The following NECTIN3 variants were observed in gnomAD, a reference collection of about 807,000 sequenced individuals.
The protein encoded by NECTIN3 is nectin-3.
Under a neutral mutation model 49.4 loss-of-function variants are expected in NECTIN3, and 8 were observed. That is an observed-to-expected ratio of 0.16 (90% CI 0.10 to 0.29). The LOEUF (loss-of-function observed/expected upper bound fraction) is 0.29, where lower values mean the gene tolerates loss of function less well. Among genes scored for constraint, NECTIN3 ranks in the 10% least tolerant of loss-of-function variants. The pLI, the probability that NECTIN3 is intolerant of heterozygous loss-of-function variation, is 1.00. For synonymous variants in NECTIN3, 277 were observed against 241.1 expected (o/e 1.15, Z -1.38); for missense variants, 581 against 654.6 (o/e 0.89, Z 1.23).
At chr3:111,191,105 T>C (rs2035805554), upstream of NECTIN3, among the ~76,000 whole-genome samples, 1 of 152,142 alleles carries the variant, frequency 6.6e-6, no homozygotes, top group Admixed American at 6.5e-5. Flanking sequence ...ATTCAGGCAT[T>C]ATTTTATTAT....
chr3:111,110,322 A>G (rs1351215541), intron 1 of NECTIN3, among the ~76,000 whole-genome samples: 1 of 151,932 alleles, frequency 6.6e-6, no homozygotes, highest in Non-Finnish European at 1.5e-5. Context: ...AGAAGAATCT[A>G]CTTTATTAAG....
chr3:111,131,950 A>G (rs1048485531), intron 5 of NECTIN3, among the ~76,000 whole-genome samples: 2 of 151,856 alleles, frequency 1.3e-5, no homozygotes, highest in African/African-American at 2.4e-5. Flanking sequence ...TTTGCAAATC[A>G]TTGTAAGGAT....
At chr3:111,159,432 G>A (rs886181269) in intron 7 of NECTIN3, among the ~76,000 whole-genome samples, 23 of 152,208 alleles carry the variant, frequency 1.5e-4, no homozygotes, top group South Asian at 4.1e-4. Context: ...GTAATTTTCC[G>A]TAATGAACTA....
chr3:111,101,951 C>T lies in NECTIN3; in HGVS notation c.161-10079C>T, dbSNP rs115942913. Among the ~76,000 whole-genome samples the T allele has an allele frequency of 2.1e-3, 321 of 152,178 alleles. 1 individual carries two copies. The highest frequency in any genetic ancestry group is 7.4e-3 in the African/African-American group (306 of 41,534). ...GCTTAGCATGGAATGGTCTTCTCAGCTTATGAAAAGATGAGCCTTCAAGGT... is the reference window on the plus strand; with the variant it reads ...GCTTAGCATGGAATGGTCTTCTCAGTTTATGAAAAGATGAGCCTTCAAGGT... On this transcript the variant is annotated intron_variant, in intron 1 of 5. Transcript: ENST00000485303.
chr3:111,094,574 A>G (rs2032476937), intron 1 of NECTIN3, among the ~76,000 whole-genome samples: 1 of 152,204 alleles, frequency 6.6e-6, no homozygotes, highest in Admixed American at 6.5e-5. Context: ...TTTATGACAT[A>G]TAAAGGATAC....
intron 4 of NECTIN3, among the ~76,000 whole-genome samples, chr3:111,125,688 G>A (rs1042568718): frequency 1.3e-5 from 2 of 152,156 alleles, no homozygotes; most frequent in African/African-American, 4.8e-5. Flanking sequence ...ATAGAGCACA[G>A]TGTCTATTTG....
intron 1 of NECTIN3, among the ~76,000 whole-genome samples, chr3:111,109,083 G>A (rs2033344126): frequency 6.6e-6 from 1 of 152,136 alleles, no homozygotes; most frequent in Non-Finnish European, 1.5e-5. Flanking sequence ...TTCCTGGATT[G>A]TAGACAATCA....
intron 1 of NECTIN3, among the ~76,000 whole-genome samples, chr3:111,073,919 T>A: frequency 6.6e-6 from 1 of 152,234 alleles, no homozygotes. Context: ...AAAACAGTTT[T>A]AAAAAATCTC....
chr3:111,193,368 C>T, intron 1 of NECTIN3: 1 of 1,531,516 alleles, frequency 6.5e-7, no homozygotes, highest in Non-Finnish European at 8.7e-7. Flanking sequence ...CCCACGAGAA[C>T]ATTATGTGTG....
In NECTIN3 at chr3:111,160,963, C is replaced by T. The variant is rs1021021386; in HGVS notation, c.1221+13479C>T. Among the ~76,000 whole-genome samples, 46 of 152,062 alleles carry T rather than the reference C, an allele frequency of 3.0e-4. 1 individual carries two copies. The highest frequency in any genetic ancestry group is 2.8e-3 in the Admixed American group (42 of 15,266). ...CAGAGCTTGCAGTGAGCCGAGGTTG[C>T]GCCACTGCACTCCAGCCTGGACGAC... On this transcript the variant is annotated intron_variant, in intron 7 of 8. Coordinates refer to the NECTIN3 transcript ENST00000493615.
At chr3:111,081,972 A>C (rs2031635946) in intron 1 of NECTIN3, among the ~76,000 whole-genome samples, 1 of 152,200 alleles carries the variant, frequency 6.6e-6, no homozygotes, top group Non-Finnish European at 1.5e-5. Context: ...AAATGTAAAA[A>C]ATATATTGGA....
At chr3:111,141,262 T>G (rs962505198), downstream of NECTIN3, among the ~76,000 whole-genome samples, 2 of 151,932 alleles carry the variant, frequency 1.3e-5, no homozygotes, top group Non-Finnish European at 2.9e-5. Flanking sequence ...AATACAATAA[T>G]ATATAGTATG....
intron 7 of NECTIN3, among the ~76,000 whole-genome samples, chr3:111,158,268 T>A (rs910193676): frequency 1.3e-5 from 2 of 152,060 alleles, no homozygotes; most frequent in African/African-American, 4.8e-5. Flanking sequence ...TATATATAAG[T>A]AACTTTAGAA....
chr3:111,187,052 CTGAGACTCTCAT>C (rs1351810468), intron 7 of NECTIN3, among the ~76,000 whole-genome samples: 1 of 152,124 alleles, frequency 6.6e-6, no homozygotes, highest in Non-Finnish European at 1.5e-5. Flanking sequence ...CATGGAGCAG[CTGAGACTCTCAT>C]TCATTACTGG....
chr3:111,078,226 A>G (rs546219289), intron 1 of NECTIN3, among the ~76,000 whole-genome samples: 159 of 152,316 alleles, frequency 1.0e-3, no homozygotes, highest in Admixed American at 2.7e-3. Context: ...GTCTTTACCC[A>G]TAAGGCCTAG....
At chr3:111,095,254 G>C (rs2032518753) in intron 1 of NECTIN3, among the ~76,000 whole-genome samples, 1 of 152,026 alleles carries the variant, frequency 6.6e-6, no homozygotes, top group Non-Finnish European at 1.5e-5. Context: ...TCATCTTGGA[G>C]TCACTGAAAA....
chr3:111,120,688 A>C (rs1213972071), intron 3 of NECTIN3, among the ~76,000 whole-genome samples: 1 of 151,998 alleles, frequency 6.6e-6, no homozygotes, highest in South Asian at 2.1e-4. Context: ...CTCTCTCTCT[A>C]GTTTCTCATC....
chr3:111,117,752 C>T (rs1300894454), intron 2 of NECTIN3, among the ~76,000 whole-genome samples: 4 of 151,594 alleles, frequency 2.6e-5, no homozygotes, highest in African/African-American at 7.3e-5. Flanking sequence ...AAACTAAAGA[C>T]TGAACACAAA....
chr3:111,153,234 T>C (rs2035034401), intron 7 of NECTIN3, among the ~76,000 whole-genome samples: 1 of 151,946 alleles, frequency 6.6e-6, no homozygotes, highest in African/African-American at 2.4e-5. Flanking sequence ...GTGAAAGAAT[T>C]GTGGGGCTTT....
Sources: allele counts gnomAD v4.1 joint callset (sites outside exome capture counted in the v4.1 genomes callset), GRCh38; gene constraint gnomAD v4.1.1; transcripts MANE v1.5; gene names NCBI Gene and HGNC (gene_info 2026-07-23, HGNC 2026-07-21).